The following RANGAP1 variants were observed in gnomAD, a reference collection of about 807,000 sequenced individuals.
The protein encoded by RANGAP1 is ran GTPase-activating protein 1.
In RANGAP1, 38 loss-of-function variants were observed where a neutral mutation model predicts 63.5. That is an observed-to-expected ratio of 0.60 (90% CI 0.46 to 0.78). The LOEUF (loss-of-function observed/expected upper bound fraction) is 0.78, where lower values mean the gene tolerates loss of function less well. Ranked by LOEUF, RANGAP1 falls within the 30% of genes least tolerant of loss-of-function variation. RANGAP1 has a pLI of 0.00. For synonymous variants in RANGAP1, 329 were observed against 310.5 expected, an observed-to-expected ratio of 1.06 and a Z score of -0.63; for missense variants, 630 against 740.3, an observed-to-expected ratio of 0.85 and a Z score of 1.73.
At chr22:41,301,684 CTAA>C in the RANGAP1 span, 1 of 152,156 alleles carries the variant, frequency 6.6e-6, no homozygotes, top group African/African-American at 2.4e-5. Flanking sequence ...CTTATTATTA[CTAA>C]TAATAATAAC....
chr22:41,296,508 G>A, the RANGAP1 span, among the ~76,000 whole-genome samples: 36 of 152,054 alleles, frequency 2.4e-4, no homozygotes, highest in African/African-American at 8.2e-4. Flanking sequence ...TTAGCCGGGT[G>A]TGGTGGCACA....
chr22:41,276,500 G>A (rs1293588374), intron 2 of RANGAP1, among the ~76,000 whole-genome samples: 1 of 152,004 alleles, frequency 6.6e-6, no homozygotes, highest in Non-Finnish European at 1.5e-5. Context: ...TTAGCCGGGT[G>A]TGGTGGTGGA....
At chr22:41,262,413 A>G (rs1282127025) in intron 5 of RANGAP1, among the ~76,000 whole-genome samples, 3 of 152,252 alleles carry the variant, frequency 2.0e-5, no homozygotes, top group South Asian at 4.1e-4. Context: ...CATCCTTGGC[A>G]TATTTTCTTG....
chr22:41,299,137 AT>A, the RANGAP1 span, among the ~76,000 whole-genome samples: 211 of 145,726 alleles, frequency 1.4e-3, no homozygotes, highest in East Asian at 7.6e-3. Flanking sequence ...CAACATATGA[AT>A]TTTTTTTTTT....
At chr22:41,280,739 A>G (rs1351615316) in intron 2 of RANGAP1, 194 bp downstream of exon 2, 2 of 1,517,990 alleles carry the variant, frequency 1.3e-6, no homozygotes, top group Non-Finnish European at 1.8e-6. Context: ...ACAAACATGG[A>G]AAGTGCAGGG....
In RANGAP1 at chr22:41,249,786, C is replaced by T. The variant is rs376593623; in HGVS notation, c.1515G>A (p.Ser505=). The T allele has an allele frequency of 3.4e-4, 551 of 1,613,872 alleles. 1 individual carries two copies. Among genetic ancestry groups the T allele is most frequent in the Middle Eastern group, 4.9e-4 (3 of 6,084 alleles). ...DALMQKAFNS[S]SFNSNTFLTR... ...TGAGGAAGGTGTTGGAGTTGAAGGA[C>T]GAGGAGTTGAAAGCCTTCTGCATCA... The change falls in exon 14 of 16, where the codon TCG becomes TCA. Residue 505 remains serine, a synonymous_variant. Coordinates refer to ENST00000356244, the MANE Select transcript of RANGAP1 (RefSeq NM_002883.4).
At chr22:41,281,725 G>C in intron 1 of RANGAP1, 2 of 823,252 alleles carry the variant, frequency 2.4e-6, no homozygotes, top group Non-Finnish European at 2.9e-6. Context: ...ACAGGGACAG[G>C]GCTGCTACCT....
intron 12 of RANGAP1, among the ~76,000 whole-genome samples, chr22:41,251,886 CAGAA>C (rs1186830316): frequency 6.6e-6 from 1 of 152,106 alleles, no homozygotes; most frequent in African/African-American, 2.4e-5. Context: ...TGATAGGCCA[CAGAA>C]AGGCTTACAA....
At chr22:41,254,930 C>T (rs1406437761) in intron 10 of RANGAP1, among the ~76,000 whole-genome samples, 1 of 151,658 alleles carries the variant, frequency 6.6e-6, no homozygotes, top group Non-Finnish European at 1.5e-5. Flanking sequence ...CGAAATTGTG[C>T]CACTGCACTC....
the RANGAP1 span, among the ~76,000 whole-genome samples, chr22:41,297,259 A>C: frequency 6.6e-6 from 1 of 152,082 alleles, no homozygotes; most frequent in African/African-American, 2.4e-5. Context: ...GCCATCATGG[A>C]GGAGGAATTC....
chr22:41,276,342 T>C (rs1412575825), intron 2 of RANGAP1, among the ~76,000 whole-genome samples: 1 of 152,168 alleles, frequency 6.6e-6, no homozygotes, highest in East Asian at 1.9e-4. Context: ...ATAATCCCAA[T>C]TAAAAACAAA....
rs2032967394 is a variant in RANGAP1 at position 41,245,468 on chromosome 22, A to G, written c.*1135T>C. 6.6e-6 allele frequency: 1 copy of G among 152,302 alleles called. No individual in the cohort carries two copies. The highest frequency in any genetic ancestry group is 1.5e-5 in the Non-Finnish European group (1 of 68,104). 9.4% of individuals were successfully genotyped at this position (152,302 alleles called of 1,614,324 possible). A position where few individuals can be genotyped will look rare whatever the true frequency, so the allele number is the denominator to read the frequency against. Reference sequence around the variant, plus strand: ...CACTCAGGACTGCCACTTCCCAGGTAGTGGCCTGAGGCCGAGGCCGGGCCC... The same window carrying G: ...CACTCAGGACTGCCACTTCCCAGGTGGTGGCCTGAGGCCGAGGCCGGGCCC... On this transcript the variant is annotated 3_prime_UTR_variant, in exon 16 of 16. Transcript: ENST00000356244.
In RANGAP1 at chr22:41,254,422, TTCC is replaced by T. The variant is rs753779347; in HGVS notation, c.1143_1145del (p.Glu382del). ...CCTCTTCTTCCTCCTCTTCCTCATC[TTCC>T]TCCTCCTCTTCTTCTGCTTCCTCTT... is the stretch of plus-strand genomic sequence containing the variant. On this transcript the variant is annotated inframe_deletion, in exon 11 of 16. Coordinates refer to ENST00000356244, the MANE Select transcript of RANGAP1 (RefSeq NM_002883.4). The T allele has an allele frequency of 2.1e-4, 339 of 1,612,410 alleles. 1 individual carries two copies. Among genetic ancestry groups the T allele is most frequent in the African/African-American group, 1.4e-3 (108 of 74,916 alleles).
At chr22:41,251,249 C>CT in intron 12 of RANGAP1, 140 bp from the exon 13 acceptor site, 1 of 620,708 alleles carries the variant, frequency 1.6e-6, no homozygotes, top group South Asian at 1.9e-5. Context: ...CATGCTGTCC[C>CT]TTCAGAGTCT....
At chr22:41,247,822 A>G (rs2033152425) in intron 15 of RANGAP1, among the ~76,000 whole-genome samples, 1 of 152,230 alleles carries the variant, frequency 6.6e-6, no homozygotes, top group Non-Finnish European at 1.5e-5. Context: ...ATCCCAGACC[A>G]TTTGGCTGGG....
At chr22:41,300,225 A>C in the RANGAP1 span, among the ~76,000 whole-genome samples, 108 of 152,028 alleles carry the variant, frequency 7.1e-4, no homozygotes, top group African/African-American at 2.3e-3. Flanking sequence ...CTCTTCAAGA[A>C]TATGTGTTCA....
chr22:41,270,963 G>A (rs1242380822), intron 3 of RANGAP1, among the ~76,000 whole-genome samples: 1 of 152,088 alleles, frequency 6.6e-6, no homozygotes, highest in Non-Finnish European at 1.5e-5. Flanking sequence ...AGGACTCTAG[G>A]GCACACCGCC....
At chr22:41,262,848 C>T (rs1054998271) in intron 5 of RANGAP1, among the ~76,000 whole-genome samples, 1 of 152,218 alleles carries the variant, frequency 6.6e-6, no homozygotes, top group African/African-American at 2.4e-5. Flanking sequence ...TTCTCAAGCA[C>T]AGGGCCATGC....
chr22:41,259,651 T>C (rs535021926), intron 6 of RANGAP1, among the ~76,000 whole-genome samples: 34 of 152,366 alleles, frequency 2.2e-4, no homozygotes, highest in Middle Eastern at 3.4e-3. Context: ...TATAACTTCA[T>C]ATGAAATACC....
Sources: allele counts gnomAD v4.1 joint callset (sites outside exome capture counted in the v4.1 genomes callset), GRCh38; gene constraint gnomAD v4.1.1; transcripts MANE v1.5; gene names NCBI Gene and HGNC (gene_info 2026-07-23, HGNC 2026-07-21).